SYNPR: variants seen among roughly 807,000 people sequenced by gnomAD.
SYNPR encodes the protein synaptoporin.
SYNPR carries 23 observed loss-of-function variants against 32.9 expected under a neutral mutation model. The observed-to-expected ratio is 0.70, with a 90% confidence interval of 0.50 to 0.99. The LOEUF (loss-of-function observed/expected upper bound fraction) is 0.99, where lower values mean the gene tolerates loss of function less well. Among genes scored for constraint, SYNPR ranks in the 50% least tolerant of loss-of-function variants. The pLI, the probability that SYNPR is intolerant of heterozygous loss-of-function variation, is 0.00. For synonymous variants in SYNPR, 146 were observed against 135.9 expected, an observed-to-expected ratio of 1.07 and a Z score of -0.52; for missense variants, 318 against 349.3, an observed-to-expected ratio of 0.91 and a Z score of 0.71.
chr3:63,425,858 C>T (rs1213716678), intron 2 of SYNPR, among the ~76,000 whole-genome samples: 1 of 151,162 alleles, frequency 6.6e-6, no homozygotes, highest in Non-Finnish European at 1.5e-5. Context: ...TCTCGGCTCA[C>T]TGCAACCTCC....
intron 3 of SYNPR, among the ~76,000 whole-genome samples, chr3:63,522,493 T>C (rs1044649839): frequency 6.6e-6 from 1 of 152,248 alleles, no homozygotes; most frequent in Non-Finnish European, 1.5e-5. Context: ...CATCATATAA[T>C]GATTGTTACT....
chr3:63,544,690 A>G (rs1452802547), intron 3 of SYNPR, among the ~76,000 whole-genome samples: 1 of 152,098 alleles, frequency 6.6e-6, no homozygotes, highest in African/African-American at 2.4e-5. Flanking sequence ...GCCTGTTTCC[A>G]GTTCTTTAAA....
chr3:63,398,387 C>T (rs749887697), intron 2 of SYNPR, among the ~76,000 whole-genome samples: 1 of 152,188 alleles, frequency 6.6e-6, no homozygotes, highest in Middle Eastern at 3.4e-3. Context: ...TCTGCCATGT[C>T]AAATATACAT....
At chr3:63,403,118 C>T (rs1313618188) in intron 2 of SYNPR, among the ~76,000 whole-genome samples, 1 of 152,074 alleles carries the variant, frequency 6.6e-6, no homozygotes. Flanking sequence ...CACATTCTGC[C>T]ATTAATTCTG....
At chr3:63,202,676 G>T in the SYNPR span, among the ~76,000 whole-genome samples, 3 of 152,266 alleles carry the variant, frequency 2.0e-5, no homozygotes, top group Non-Finnish European at 4.4e-5. Context: ...ACTATGTTTG[G>T]TTTGGGTTTG....
rs376995730 is a variant in SYNPR, at chr3:63,381,999, T to C, written c.85-98833T>C. On this transcript the variant is annotated intron_variant, in intron 2 of 5. Transcript: ENST00000478300. The stretch of plus-strand genomic sequence containing the variant: ...AAGTACAGAAAACTTACCTCCTGCT[T>C]TTCTTTTATATCCCCAGTTTATAAT... 2.0e-4 allele frequency among the ~76,000 whole-genome samples: 30 copies of C among 152,336 alleles called. No homozygotes were observed. In the East Asian group the frequency reaches 3.3e-3, roughly 17 times the overall value.
At chr3:63,230,240 A>G (rs1442707465) in intron 1 of SYNPR, among the ~76,000 whole-genome samples, 1 of 152,166 alleles carries the variant, frequency 6.6e-6, no homozygotes, top group Non-Finnish European at 1.5e-5. Context: ...TTTTGTCTCT[A>G]ATGTGAATAG....
chr3:63,244,626 A>G (rs1429789501), intron 1 of SYNPR, among the ~76,000 whole-genome samples: 1 of 152,064 alleles, frequency 6.6e-6, no homozygotes. Flanking sequence ...GTGAATGACT[A>G]AGCTGACTCT....
At chr3:63,528,010 G>A (rs574083237) in intron 3 of SYNPR, among the ~76,000 whole-genome samples, 4 of 152,176 alleles carry the variant, frequency 2.6e-5, no homozygotes, top group Admixed American at 2.6e-4. Flanking sequence ...TCTTCCCAGT[G>A]GTTCCAAAAC....
At chr3:63,507,219 A>G (rs1032118956) in intron 3 of SYNPR, among the ~76,000 whole-genome samples, 6 of 145,850 alleles carry the variant, frequency 4.1e-5, no homozygotes, top group African/African-American at 1.2e-4. Flanking sequence ...GCGGTGCATA[A>G]AAAGTTTAAG....
chr3:63,611,508 G>T (rs1700197217), intron 5 of SYNPR, among the ~76,000 whole-genome samples: 1 of 152,122 alleles, frequency 6.6e-6, no homozygotes, highest in Admixed American at 6.5e-5. Context: ...ACTGAAAATA[G>T]TTGGAAAGAC....
At chr3:63,404,955 C>T (rs2088340289) in intron 2 of SYNPR, among the ~76,000 whole-genome samples, 1 of 152,048 alleles carries the variant, frequency 6.6e-6, no homozygotes, top group South Asian at 2.1e-4. Context: ...TACCAGCCAG[C>T]AGTGTAGGTG....
chr3:63,426,020 T>C (rs886312098), intron 2 of SYNPR, among the ~76,000 whole-genome samples: 2 of 151,964 alleles, frequency 1.3e-5, no homozygotes, highest in African/African-American at 4.8e-5. Flanking sequence ...CTCCTGACCT[T>C]GTGATCCACC....
chr3:63,221,557 A>C, the SYNPR span, among the ~76,000 whole-genome samples: 1 of 152,190 alleles, frequency 6.6e-6, no homozygotes, highest in Non-Finnish European at 1.5e-5. Context: ...TATTTGGCCC[A>C]GGTGTCTCCT....
At chr3:63,352,558 A>G (rs1229082284) in intron 2 of SYNPR, among the ~76,000 whole-genome samples, 4 of 152,220 alleles carry the variant, frequency 2.6e-5, no homozygotes, top group African/African-American at 9.6e-5. Context: ...TGGGAAGCAA[A>G]TAGAAAAAAG....
intron 4 of SYNPR, among the ~76,000 whole-genome samples, chr3:63,571,060 A>G (rs1398511220): frequency 6.6e-6 from 1 of 152,208 alleles, no homozygotes; most frequent in Non-Finnish European, 1.5e-5. Context: ...GTTTAACATC[A>G]GGGTTTTGAA....
chr3:63,245,515 C>A (rs890762595), intron 1 of SYNPR, among the ~76,000 whole-genome samples: 2 of 151,810 alleles, frequency 1.3e-5, no homozygotes, highest in Admixed American at 1.3e-4. Context: ...CTAACCTGTC[C>A]AGAATTGGGG....
chr3:63,283,271 T>C (rs1290360321), intron 2 of SYNPR, among the ~76,000 whole-genome samples: 1 of 152,212 alleles, frequency 6.6e-6, no homozygotes, highest in Non-Finnish European at 1.5e-5. Context: ...GTTCTTTCCT[T>C]AGGAAGGGTT....
chr3:63,538,079 C>G (rs2106798801), intron 3 of SYNPR, among the ~76,000 whole-genome samples: 1 of 152,134 alleles, frequency 6.6e-6, no homozygotes, highest in East Asian at 1.9e-4. Context: ...CTTAAGCACA[C>G]TGTGGTTTGA....
Sources: allele counts gnomAD v4.1 joint callset (sites outside exome capture counted in the v4.1 genomes callset), GRCh38; gene constraint gnomAD v4.1.1; transcripts MANE v1.5; gene names NCBI Gene and HGNC (gene_info 2026-07-23, HGNC 2026-07-21).